Variants in SLC16A7 observed in about 807,000 individuals in gnomAD.
SLC16A7 encodes solute carrier family 16 member 7, also known as monocarboxylate transporter 2.
A neutral mutation model predicts 34.9 loss-of-function variants in SLC16A7; 33 were observed. The ratio of observed to expected loss-of-function variants is 0.94; its 90% CI spans 0.72 to 1.26. SLC16A7 has a LOEUF of 1.26. Among genes scored for constraint, SLC16A7 ranks in the 50% most tolerant of loss-of-function variants. SLC16A7 has a pLI of 0.00. For missense variants in SLC16A7, 573 were observed against 578.1 expected (o/e 0.99, Z 0.09); for synonymous variants, 201 against 206.6 (o/e 0.97, Z 0.23).
At chr12:59,765,355 T>A (rs2137411041) in intron 3 of SLC16A7, among the ~76,000 whole-genome samples, 1 of 152,354 alleles carries the variant, frequency 6.6e-6, no homozygotes, top group Non-Finnish European at 1.5e-5. Context: ...CATTTGTCAA[T>A]TTTGGCTTTT....
At chr12:59,749,587 C>G (rs1477458118) in intron 3 of SLC16A7, among the ~76,000 whole-genome samples, 2 of 152,054 alleles carry the variant, frequency 1.3e-5, no homozygotes, top group Non-Finnish European at 2.9e-5. Flanking sequence ...ATGGTCAACG[C>G]TGTGGAAGAG....
intron 2 of SLC16A7, among the ~76,000 whole-genome samples, chr12:59,663,179 C>A (rs1230723090): frequency 6.6e-6 from 1 of 151,732 alleles, no homozygotes; most frequent in African/African-American, 2.4e-5. Flanking sequence ...TTTTACATAT[C>A]AAATGTATGT....
chr12:59,682,769 G>A (rs551910185), intron 2 of SLC16A7, among the ~76,000 whole-genome samples: 2 of 152,148 alleles, frequency 1.3e-5, no homozygotes, highest in East Asian at 1.9e-4. Flanking sequence ...GTTCTATATT[G>A]TCTAAGTAAA....
In SLC16A7 at chr12:59,782,971, T is replaced by G. The variant is rs561055592; in HGVS notation, c.*3292T>G. The G allele has an allele frequency of 6.6e-6, 1 of 152,316 alleles. No homozygotes were observed. The highest frequency in any genetic ancestry group is 6.5e-5 in the Admixed American group (1 of 15,284). 9.4% of individuals were successfully genotyped at this position (152,316 alleles called of 1,614,324 possible). A position where few individuals can be genotyped will look rare whatever the true frequency, so the allele number is the denominator to read the frequency against. ...AGTAAAATAATTAGATTTTCTATGT[T>G]TGAATGTGCACTTTAAAAAATCTAG... On this transcript the variant is annotated 3_prime_UTR_variant, in exon 6 of 6. Transcript: ENST00000547379.
At chr12:59,717,870 T>C (rs987451792) in intron 3 of SLC16A7, among the ~76,000 whole-genome samples, 2 of 152,200 alleles carry the variant, frequency 1.3e-5, no homozygotes, top group Non-Finnish European at 2.9e-5. Context: ...TGTTGAACAA[T>C]TATATTTAGA....
chr12:59,641,988 G>A (rs1470004663), intron 1 of SLC16A7, among the ~76,000 whole-genome samples: 1 of 151,814 alleles, frequency 6.6e-6, no homozygotes, highest in Non-Finnish European at 1.5e-5. Flanking sequence ...CAAACCATAT[G>A]TTTTCTAATA....
chr12:59,614,860 A>T (rs1426299703), intron 1 of SLC16A7, among the ~76,000 whole-genome samples: 1 of 136,348 alleles, frequency 7.3e-6, no homozygotes, highest in South Asian at 2.4e-4. Flanking sequence ...AAAATTAGCC[A>T]GGCGTGGTGG....
At chr12:59,733,281 G>A (rs576548778) in intron 3 of SLC16A7, among the ~76,000 whole-genome samples, 175 of 152,264 alleles carry the variant, frequency 1.1e-3, no homozygotes, top group Non-Finnish European at 2.0e-3. Flanking sequence ...TCCCATACCT[G>A]CCAAGGGTGA....
chr12:59,733,625 AG>A (rs1222483279), intron 3 of SLC16A7: 2 of 437,690 alleles, frequency 4.6e-6, no homozygotes, highest in Non-Finnish European at 9.2e-6. Flanking sequence ...AAAGGGCCAC[AG>A]CTCCTCTCTC....
chr12:59,721,264 G>A (rs375300430), intron 3 of SLC16A7, among the ~76,000 whole-genome samples: 2 of 151,802 alleles, frequency 1.3e-5, no homozygotes, highest in Admixed American at 6.6e-5. Context: ...GAAAGTTTAC[G>A]TTATCAGTAG....
intron 2 of SLC16A7, among the ~76,000 whole-genome samples, chr12:59,691,127 T>C (rs962678402): frequency 6.6e-6 from 1 of 152,032 alleles, no homozygotes; most frequent in Non-Finnish European, 1.5e-5. Flanking sequence ...ATATAAATCA[T>C]ACATGGTCAC....
At chr12:59,653,906 G>GTAC (rs1868403869) in intron 1 of SLC16A7, among the ~76,000 whole-genome samples, 1 of 151,460 alleles carries the variant, frequency 6.6e-6, no homozygotes, top group African/African-American at 2.4e-5. Context: ...GCACTGCACT[G>GTAC]TACTACTGTA....
At position 59,702,475 on chromosome 12, in the gene SLC16A7, T is replaced by C. The variant is rs1873003513; in HGVS notation, c.-30-2297T>C. Among the ~76,000 whole-genome samples, 6 of 151,988 alleles carry C rather than the reference T, an allele frequency of 3.9e-5. No homozygotes were observed. The South Asian group carries it at 1.0e-3, about 26-fold the overall frequency. ...ATCTCAAAATAATTGTTGAGAGGTG[T>C]GGTATTTGGGGTTGATTTTAGCAAT... is the stretch of plus-strand genomic sequence containing the variant. On this transcript the variant is annotated intron_variant, in intron 2 of 5. Transcript: ENST00000547379.
intron 3 of SLC16A7, among the ~76,000 whole-genome samples, chr12:59,758,130 A>G (rs1017968567): frequency 6.6e-6 from 1 of 152,070 alleles, no homozygotes; most frequent in African/African-American, 2.4e-5. Context: ...GTGTTGTTCA[A>G]GGGTCAATTG....
chr12:59,643,396 G>A (rs1306761754), intron 1 of SLC16A7, among the ~76,000 whole-genome samples: 1 of 152,046 alleles, frequency 6.6e-6, no homozygotes, highest in South Asian at 2.1e-4. Context: ...AAATCTAGTT[G>A]TCTCTTACAT....
chr12:59,639,233 T>C (rs1880566297), intron 1 of SLC16A7, among the ~76,000 whole-genome samples: 1 of 152,110 alleles, frequency 6.6e-6, no homozygotes, highest in Non-Finnish European at 1.5e-5. Context: ...CTCCTTACAA[T>C]GTTTTTACAG....
At chr12:59,700,466 A>G (rs1462394426) in intron 2 of SLC16A7, among the ~76,000 whole-genome samples, 2 of 149,394 alleles carry the variant, frequency 1.3e-5, no homozygotes, top group Non-Finnish European at 3.0e-5. Context: ...AAAATTTAAT[A>G]TATATTTGAA....
chr12:59,645,494 G>A (rs567685168), intron 1 of SLC16A7, among the ~76,000 whole-genome samples: 53 of 152,232 alleles, frequency 3.5e-4, no homozygotes, highest in Non-Finnish European at 5.7e-4. Flanking sequence ...CTGCTGCCAA[G>A]TGAAGAAGGA....
rs115667363 is a variant in SLC16A7, at chr12:59,634,710, A to G, written c.-129-20442A>G. ...CTTTGCTAAAACTGGATTTTATAAG[A>G]AAGTGCACAGATGGGCCTTGAAGAA... On this transcript the variant is annotated intron_variant, in intron 1 of 5. Coordinates refer to ENST00000547379, the MANE Select transcript of SLC16A7 (RefSeq NM_001270623.2). 3.4e-3 allele frequency among the ~76,000 whole-genome samples: 518 copies of G among 152,166 alleles called. 3 individuals carry two copies. The highest frequency in any genetic ancestry group is 0.011 in the African/African-American group (476 of 41,560).
Sources: gnomAD v4.1 joint callset for allele counts (sites outside exome capture counted in the v4.1 genomes callset) on GRCh38, gnomAD v4.1.1 for gene constraint, MANE v1.5 for transcripts, NCBI Gene and HGNC (gene_info 2026-07-23, HGNC 2026-07-21) for gene names.